IGF1: variants seen among roughly 807,000 people sequenced by gnomAD.
IGF1 encodes the protein insulin like growth factor 1, also known as insulin-like growth factor 1.
A neutral mutation model predicts 13.8 loss-of-function variants in IGF1; 4 were observed. The ratio of observed to expected loss-of-function variants is 0.29; its 90% CI spans 0.14 to 0.66. The LOEUF (loss-of-function observed/expected upper bound fraction) is 0.66. Ranked by LOEUF, IGF1 falls within the 30% of genes least tolerant of loss-of-function variation. The probability of loss-of-function intolerance (pLI) is 0.78; values close to 1 mark genes in which losing one functional copy is unlikely to be tolerated. For synonymous variants in IGF1, 76 were observed against 72.6 expected (o/e 1.05, Z -0.23); for missense variants, 124 against 188.5 (o/e 0.66, Z 2.00).
chr12:102,405,628 A>G lies in IGF1; in HGVS notation c.403-3062T>C, dbSNP rs5742693. ...GGAGAAACACACTAATTTGAATTTT[A>G]CCTTTTGTTTTTCTGTTTAAGAGGC... On this transcript the variant is annotated intron_variant, in intron 3 of 3. Coordinates refer to ENST00000337514, the MANE Select transcript of IGF1 (RefSeq NM_000618.5). Among the ~76,000 whole-genome samples, 354 of 152,336 alleles carry G rather than the reference A, an allele frequency of 2.3e-3. 1 individual carries two copies. Among genetic ancestry groups the G allele is most frequent in the Non-Finnish European group, 3.3e-3 (223 of 68,034 alleles).
chr12:102,439,536 G>A (rs940391227), intron 2 of IGF1, among the ~76,000 whole-genome samples: 4 of 152,134 alleles, frequency 2.6e-5, no homozygotes, highest in Non-Finnish European at 4.4e-5. Context: ...GAGCAGGAAA[G>A]TACTACAACA....
intron 2 of IGF1, among the ~76,000 whole-genome samples, chr12:102,452,261 CAAAAAA>C (rs538007224): frequency 4.7e-5 from 2 of 42,176 alleles, no homozygotes; most frequent in African/African-American, 1.2e-4. Context: ...GACTCCGTCT[CAAAAAA>C]AAAAAAAAAA....
chr12:102,464,831 T>G (rs1360480293), intron 2 of IGF1, among the ~76,000 whole-genome samples: 3 of 152,252 alleles, frequency 2.0e-5, no homozygotes, highest in African/African-American at 7.2e-5. Context: ...TTCTGATTAG[T>G]GAGTACATTT....
intron 2 of IGF1, among the ~76,000 whole-genome samples, chr12:102,432,382 ACTC>A (rs1817220461): frequency 6.6e-6 from 1 of 152,184 alleles, no homozygotes; most frequent in African/African-American, 2.4e-5. Context: ...ACATTCTACT[ACTC>A]ATAGATCATT....
At chr12:102,466,125 GA>G (rs1200316644) in intron 2 of IGF1, among the ~76,000 whole-genome samples, 1 of 152,098 alleles carries the variant, frequency 6.6e-6, no homozygotes. Context: ...AGGCAAGAAA[GA>G]AAAGGCCTGC....
intron 2 of IGF1, among the ~76,000 whole-genome samples, chr12:102,438,680 A>G (rs991384490): frequency 6.6e-6 from 1 of 152,216 alleles, no homozygotes; most frequent in Non-Finnish European, 1.5e-5. Context: ...TCCTTTGGGA[A>G]TGTAAACAAT....
At position 102,468,974 on chromosome 12, in the gene IGF1, G is replaced by C. The variant is rs180935158; in HGVS notation, c.220+6669C>G. 1.1e-3 allele frequency among the ~76,000 whole-genome samples: 164 copies of C among 152,324 alleles called. 1 individual carries two copies. The highest frequency in any genetic ancestry group is 3.9e-3 in the African/African-American group (162 of 41,568). On this transcript the variant is annotated intron_variant, in intron 2 of 3. Transcript: ENST00000337514. ...TGGAGATCTTGGGCAATGATGGCAC[G>C]ACACAAGATGTCTGGTCAAAGTATT... is the stretch of plus-strand genomic sequence containing the variant.
chr12:102,477,791 A>C (rs1242849040), intron 1 of IGF1, among the ~76,000 whole-genome samples: 3 of 152,168 alleles, frequency 2.0e-5, no homozygotes. Context: ...AAGCACCTGC[A>C]ACTGTAGATG....
chr12:102,420,328 T>C (rs1310029326), intron 2 of IGF1, among the ~76,000 whole-genome samples: 2 of 152,248 alleles, frequency 1.3e-5, no homozygotes, highest in East Asian at 1.9e-4. Context: ...AGAACTGTTG[T>C]ATGACTCTGG....
intron 2 of IGF1, among the ~76,000 whole-genome samples, chr12:102,453,037 G>A (rs1349278695): frequency 1.3e-5 from 2 of 152,186 alleles, no homozygotes; most frequent in Admixed American, 6.5e-5. Context: ...TTTGGGGGTC[G>A]AGAAGCTGAG....
At chr12:102,434,902 G>C (rs1444205562) in intron 2 of IGF1, among the ~76,000 whole-genome samples, 1 of 152,076 alleles carries the variant, frequency 6.6e-6, no homozygotes, top group Non-Finnish European at 1.5e-5. Context: ...GGCCAGTGAT[G>C]ATGAGCATTT....
intron 2 of IGF1, 74 bp from the exon 3 acceptor site, chr12:102,419,764 C>T: frequency 1.4e-6 from 2 of 1,444,128 alleles, no homozygotes; most frequent in Non-Finnish European, 1.9e-6. Flanking sequence ...CAGCTCCTGC[C>T]TCTCCCCACA....
intron 2 of IGF1, among the ~76,000 whole-genome samples, chr12:102,468,820 A>C (rs962954883): frequency 1.3e-5 from 2 of 152,244 alleles, no homozygotes; most frequent in Non-Finnish European, 2.9e-5. Flanking sequence ...AAGCCCTTGC[A>C]GGCTGTTATC....
At chr12:102,413,080 G>A (rs1170598752) in intron 3 of IGF1, among the ~76,000 whole-genome samples, 1 of 152,182 alleles carries the variant, frequency 6.6e-6, no homozygotes, top group African/African-American at 2.4e-5. Flanking sequence ...AAATTGACCT[G>A]TCTTGCTTAG....
At chr12:102,439,677 G>A (rs761606182) in intron 2 of IGF1, among the ~76,000 whole-genome samples, 3 of 150,360 alleles carry the variant, frequency 2.0e-5, no homozygotes, top group Non-Finnish European at 2.9e-5. Context: ...CCTATTTTAA[G>A]GCTCATTTGG....
chr12:102,448,132 G>A lies in IGF1; in HGVS notation c.220+27511C>T, dbSNP rs191493049. 1.9e-3 allele frequency among the ~76,000 whole-genome samples: 290 copies of A among 150,110 alleles called. 9 individuals are homozygous for A. In the East Asian group the frequency reaches 0.038, roughly 20 times the overall value. ...CAACCATTGTGGAAGTCAGTGTGGC[G>A]ATTCCTCAGGGATCTAGAACTAGAA... On this transcript the variant is annotated intron_variant, in intron 2 of 3. Transcript: ENST00000337514.
At chr12:102,465,586 G>A (rs1194033512) in intron 2 of IGF1, among the ~76,000 whole-genome samples, 1 of 152,214 alleles carries the variant, frequency 6.6e-6, no homozygotes, top group Non-Finnish European at 1.5e-5. Flanking sequence ...TTTCACTTGT[G>A]AGGAATTGAG....
Position 102,467,610 on chromosome 12 carries a change from T to A in IGF1, c.220+8033A>T, listed in dbSNP as rs117196840. On this transcript the variant is annotated intron_variant, in intron 2 of 3. Coordinates refer to ENST00000337514, the MANE Select transcript of IGF1 (RefSeq NM_000618.5). ...ATATAGGAGACAGGCAGGGAATCAC[T>A]TTAGTTTGTACAAATTTCCACAGCG... is the stretch of plus-strand genomic sequence containing the variant. Among the ~76,000 whole-genome samples the A allele has an allele frequency of 2.9e-3, 435 of 152,296 alleles. 2 individuals are homozygous for A. The highest frequency in any genetic ancestry group is 4.6e-3 in the Non-Finnish European group (310 of 68,014).
chr12:102,426,106 A>T (rs1159314770), intron 2 of IGF1, among the ~76,000 whole-genome samples: 2 of 152,224 alleles, frequency 1.3e-5, no homozygotes, highest in African/African-American at 4.8e-5. Context: ...ACAGAATTTG[A>T]GTATGATCTG....
Sources: gnomAD v4.1 joint callset for allele counts (sites outside exome capture counted in the v4.1 genomes callset) on GRCh38, gnomAD v4.1.1 for gene constraint, MANE v1.5 for transcripts, NCBI Gene and HGNC (gene_info 2026-07-23, HGNC 2026-07-21) for gene names.